PRRC2B: variants seen among roughly 807,000 people sequenced by gnomAD.
PRRC2B encodes protein PRRC2B.
In PRRC2B, 68 loss-of-function variants were observed where a neutral mutation model predicts 242.3. The observed-to-expected ratio is 0.28, with a 90% confidence interval of 0.23 to 0.34. PRRC2B has a LOEUF of 0.34. PRRC2B is among the 10% of genes least tolerant of loss of function. PRRC2B has a pLI of 1.00. For missense variants in PRRC2B, 2,835 were observed against 2,954.8 expected, an observed-to-expected ratio of 0.96 and a Z score of 0.94; for synonymous variants, 1,228 against 1,173.6, an observed-to-expected ratio of 1.05 and a Z score of -0.95.
At position 131,492,215 on chromosome 9, in the gene PRRC2B, A is replaced by C; in HGVS notation, c.6428A>C (p.Gln2143Pro). The change falls in exon 30 of 32, where the codon CAG (glutamine) becomes CCG (proline). Residue 2143 changes from glutamine to proline, a missense_variant. Gln to Pro is a moderately conservative substitution (Grantham distance 76). Around this residue, in one of 7 missense-constraint regions of PRRC2B, gnomAD observed 574 missense variants for 626.0 expected, o/e 0.92. Transcript: ENST00000683519. ...MKGFHFADSK[Q>P]NVPSGGPVPS... ...GGCTTCCACTTTGCCGACAGTAAAC[A>C]GAATGTCCCTTCAGGAGGCCCCGTG... 1 of 1,613,944 alleles carries C rather than the reference A, an allele frequency of 6.2e-7. No individual in the cohort carries two copies. The highest frequency in any genetic ancestry group is 8.5e-7 in the Non-Finnish European group (1 of 1,179,864).
chr9:131,467,095 C>T (rs1374076861), intron 12 of PRRC2B, among the ~76,000 whole-genome samples: 1 of 129,656 alleles, frequency 7.7e-6, no homozygotes. Context: ...GCCACCGCGC[C>T]TGTCATTTTT....
intron 3 of PRRC2B, among the ~76,000 whole-genome samples, chr9:131,435,771 A>T (rs1838344674): frequency 6.6e-6 from 1 of 152,212 alleles, no homozygotes. Context: ...TTCTATGTTG[A>T]TGAAAAGATG....
chr9:131,476,618 C>A, intron 16 of PRRC2B, 83 bp downstream of exon 16: 2 of 1,294,748 alleles, frequency 1.5e-6, no homozygotes, highest in Middle Eastern at 2.6e-4. Context: ...ATGCCGATGC[C>A]GCCGTGTGTC....
At chr9:131,419,796 C>T (rs575525525) in intron 1 of PRRC2B, among the ~76,000 whole-genome samples, 14 of 136,124 alleles carry the variant, frequency 1.0e-4, no homozygotes, top group East Asian at 6.4e-4. Flanking sequence ...TTGAGACTGC[C>T]GGGGGTGGTG....
chr9:131,394,039 C>T (rs914869418), upstream of PRRC2B: 1 of 147,838 alleles, frequency 6.8e-6, no homozygotes, highest in African/African-American at 2.5e-5. Flanking sequence ...GAGGCGGGGG[C>T]GGCGGCAGGC....
chr9:131,466,332 T>G (rs937084374), intron 12 of PRRC2B, among the ~76,000 whole-genome samples: 1 of 152,260 alleles, frequency 6.6e-6, no homozygotes, highest in Admixed American at 6.5e-5. Flanking sequence ...TGTCAGGCAC[T>G]GTTTTCAGTA....
At chr9:131,488,950 G>A (rs919222489) in intron 28 of PRRC2B, among the ~76,000 whole-genome samples, 1 of 152,102 alleles carries the variant, frequency 6.6e-6, no homozygotes, top group African/African-American at 2.4e-5. Context: ...TAGTGGTTTT[G>A]ATGTCTGCAG....
intron 19 of PRRC2B, 121 bp from the exon 20 acceptor site, chr9:131,481,605 G>A: frequency 1.3e-6 from 1 of 764,498 alleles, no homozygotes; most frequent in Non-Finnish European, 2.2e-6. Context: ...GGTGGCGGGT[G>A]CAGGGGAGGC....
chr9:131,437,169 A>G (rs148085076), intron 4 of PRRC2B, among the ~76,000 whole-genome samples: 117 of 152,300 alleles, frequency 7.7e-4, no homozygotes, highest in Non-Finnish European at 1.4e-3. Context: ...TTACTGCGGT[A>G]CTTCTCAGTG....
chr9:131,474,569 G>A lies in PRRC2B; in HGVS notation c.2440G>A (p.Ala814Thr), dbSNP rs370565849. The A allele has an allele frequency of 3.1e-6, 5 of 1,613,900 alleles. No homozygotes were observed. The African/African-American group carries it at 5.3e-5, about 17-fold the overall frequency. The part of the protein sequence containing the change: ...YLSAFDKKAQ[A>T]DFDSCISSQR... ...GAGTGCTTTTGACAAGAAGGCCCAA[G>A]CAGACTTTGACAGCTGTATCTCTTC... Residue 814 changes from alanine to threonine, a missense_variant, in exon 16 of 32, where the codon GCA becomes ACA. Transcript: ENST00000683519.
At chr9:131,410,577 C>CT (rs1837482852) in intron 1 of PRRC2B, among the ~76,000 whole-genome samples, 1 of 152,216 alleles carries the variant, frequency 6.6e-6, no homozygotes, top group South Asian at 2.1e-4. Context: ...ATTTTTTAGA[C>CT]TCACTAACTG....
chr9:131,384,449 A>AT (rs1272531086), intron 1 of PRRC2B, among the ~76,000 whole-genome samples: 1 of 151,828 alleles, frequency 6.6e-6, no homozygotes, highest in African/African-American at 2.4e-5. Flanking sequence ...TGCCCGGCTA[A>AT]TTTTTTGTAT....
intron 1 of PRRC2B, among the ~76,000 whole-genome samples, chr9:131,382,335 A>G (rs1477820302): frequency 1.3e-5 from 2 of 152,064 alleles, no homozygotes; most frequent in Non-Finnish European, 2.9e-5. Flanking sequence ...CAAGTTGTAA[A>G]TCTTACCCTC....
chr9:131,478,354 G>A (rs1272176578), intron 17 of PRRC2B, 120 bp from the exon 18 acceptor site: 14 of 977,468 alleles, frequency 1.4e-5, no homozygotes, highest in South Asian at 1.1e-4. Flanking sequence ...AGAAAAGTGC[G>A]GAAGTCCTGT....
intron 9 of PRRC2B, among the ~76,000 whole-genome samples, chr9:131,451,450 CT>C (rs1392169948): frequency 5.3e-5 from 8 of 151,932 alleles, no homozygotes; most frequent in African/African-American, 1.9e-4. Flanking sequence ...GTACCAGACA[CT>C]TTGTTGAATA....
Position 131,425,570 on chromosome 9 carries a change from G to A in PRRC2B, c.-51-4524G>A, listed in dbSNP as rs558915324. Among the ~76,000 whole-genome samples, 4 of 151,870 alleles carry A rather than the reference G, an allele frequency of 2.6e-5. No individual in the cohort carries two copies. In the South Asian group the frequency reaches 8.4e-4, roughly 32 times the overall value. On this transcript the variant is annotated intron_variant, in intron 1 of 31. Transcript: ENST00000683519. Reference sequence around the variant, plus strand: ...GTGGCGCGATCTCAGCTCACTGCAAGCTCCCCTTCTGGGTTCATGCCATTC... The same window carrying A: ...GTGGCGCGATCTCAGCTCACTGCAAACTCCCCTTCTGGGTTCATGCCATTC...
chr9:131,442,085 A>G (rs942599923), intron 5 of PRRC2B, among the ~76,000 whole-genome samples: 3 of 152,126 alleles, frequency 2.0e-5, no homozygotes, highest in African/African-American at 7.2e-5. Context: ...GCAATGTTGG[A>G]CAGGTGCTGG....
intron 19 of PRRC2B, among the ~76,000 whole-genome samples, chr9:131,480,742 C>A (rs1943835540): frequency 6.6e-6 from 1 of 151,942 alleles, no homozygotes. Context: ...TGTGCCCCCA[C>A]CCCCTGCTAG....
intron 10 of PRRC2B, among the ~76,000 whole-genome samples, chr9:131,458,035 C>A (rs1408554452): frequency 6.6e-6 from 1 of 152,148 alleles, no homozygotes; most frequent in African/African-American, 2.4e-5. Flanking sequence ...ACCATTGCTT[C>A]CATTGTGAGG....
Sources: gnomAD v4.1 joint callset for allele counts (sites outside exome capture counted in the v4.1 genomes callset) on GRCh38, gnomAD v4.1.1 for gene constraint, gnomAD v4.1.1 regional missense constraint, MANE v1.5 for transcripts, NCBI Gene and HGNC (gene_info 2026-07-23, HGNC 2026-07-21) for gene names.